Variants in RNGTT observed in about 807,000 individuals in gnomAD.
The protein encoded by RNGTT is mRNA-capping enzyme.
RNGTT carries 33 observed loss-of-function variants against 79.3 expected under a neutral mutation model. The ratio of observed to expected loss-of-function variants is 0.42; its 90% CI spans 0.32 to 0.56. The LOEUF (loss-of-function observed/expected upper bound fraction) is 0.56. Ranked by LOEUF, RNGTT falls within the 20% of genes least tolerant of loss-of-function variation. The probability of loss-of-function intolerance (pLI) is 0.17; values close to 1 mark genes in which losing one functional copy is unlikely to be tolerated. For synonymous variants in RNGTT, 222 were observed against 235.9 expected, an observed-to-expected ratio of 0.94 and a Z score of 0.54; for missense variants, 497 against 739.1, an observed-to-expected ratio of 0.67 and a Z score of 3.80.
chr6:88,630,048 C>T (rs576168579), intron 14 of RNGTT, among the ~76,000 whole-genome samples: 27 of 152,250 alleles, frequency 1.8e-4, no homozygotes, highest in African/African-American at 6.0e-4. Flanking sequence ...GCAAGTACAC[C>T]GGCAACCCTG....
At chr6:88,873,283 G>A (rs1030288656) in intron 8 of RNGTT, among the ~76,000 whole-genome samples, 2 of 152,042 alleles carry the variant, frequency 1.3e-5, no homozygotes, top group Non-Finnish European at 2.9e-5. Flanking sequence ...GAAACATAAA[G>A]AAGAAAGATG....
At chr6:88,708,590 T>G (rs1280616600) in intron 13 of RNGTT, among the ~76,000 whole-genome samples, 2 of 152,108 alleles carry the variant, frequency 1.3e-5, no homozygotes, top group Non-Finnish European at 2.9e-5. Flanking sequence ...AGGTAGTCCC[T>G]TAGTGCTGGT....
At chr6:88,962,856 G>A (rs903653261) in intron 1 of RNGTT, among the ~76,000 whole-genome samples, 12 of 152,050 alleles carry the variant, frequency 7.9e-5, no homozygotes, top group African/African-American at 2.9e-4. Context: ...CCCAGCCCGA[G>A]CAAGAGACCC....
At chr6:88,861,247 T>A (rs1298459494) in intron 8 of RNGTT, among the ~76,000 whole-genome samples, 2 of 152,142 alleles carry the variant, frequency 1.3e-5, no homozygotes, top group African/African-American at 4.8e-5. Context: ...AAATTTCTTA[T>A]AAAGAAAATT....
chr6:88,753,660 G>A (rs1046882978), intron 13 of RNGTT, among the ~76,000 whole-genome samples: 5 of 151,720 alleles, frequency 3.3e-5, no homozygotes, highest in South Asian at 2.1e-4. Context: ...AAATGCAACC[G>A]TTTAAATAGT....
At chr6:88,758,345 T>C (rs1778089818) in intron 13 of RNGTT, among the ~76,000 whole-genome samples, 1 of 152,156 alleles carries the variant, frequency 6.6e-6, no homozygotes, top group Non-Finnish European at 1.5e-5. Context: ...CAGTGCCCGG[T>C]ACACAGAAAG....
intron 11 of RNGTT, among the ~76,000 whole-genome samples, chr6:88,843,770 C>A (rs1012507633): frequency 2.0e-4 from 30 of 151,220 alleles, no homozygotes; most frequent in South Asian, 4.2e-4. Flanking sequence ...ATTGGCCAGG[C>A]TGGTCTTGAG....
intron 8 of RNGTT, among the ~76,000 whole-genome samples, chr6:88,882,602 C>T (rs1347773669): frequency 1.3e-5 from 2 of 152,166 alleles, no homozygotes; most frequent in Admixed American, 6.5e-5. Context: ...CCAAGTGCTA[C>T]GGTTTGAAAA....
chr6:88,894,698 G>C (rs534295905), intron 6 of RNGTT, among the ~76,000 whole-genome samples: 45 of 152,114 alleles, frequency 3.0e-4, no homozygotes, highest in Non-Finnish European at 4.1e-4. Context: ...TGTTATGTAT[G>C]AGATGGTTTC....
rs73754836 is a variant in RNGTT at position 88,848,846 on chromosome 6, G to A, written c.1104+909C>T. On this transcript the variant is annotated intron_variant, in intron 10 of 15. Transcript: ENST00000369485. ...TTATTAAAAAGAAAGTGGACCAAAA[G>A]TATGAAGTTTTAACAAATCTAGCTG... 2.2e-3 allele frequency among the ~76,000 whole-genome samples: 332 copies of A among 152,116 alleles called. 1 individual carries two copies. Among genetic ancestry groups the A allele is most frequent in the African/African-American group, 7.4e-3 (307 of 41,554 alleles).
At chr6:88,666,404 CAAG>C (rs1774409399) in intron 14 of RNGTT, among the ~76,000 whole-genome samples, 1 of 152,186 alleles carries the variant, frequency 6.6e-6, no homozygotes, top group African/African-American at 2.4e-5. Flanking sequence ...CCTGCTAACA[CAAG>C]AAGTGGATAA....
chr6:88,750,474 T>A (rs1777805329), intron 13 of RNGTT, among the ~76,000 whole-genome samples: 1 of 152,154 alleles, frequency 6.6e-6, no homozygotes. Flanking sequence ...GAGGCAAAGA[T>A]GGTCCACAGG....
At position 88,963,559 on chromosome 6, in the gene RNGTT, G is replaced by T; in HGVS notation, c.-150C>A. On this transcript the variant is annotated 5_prime_UTR_variant, in exon 1 of 16. It adds an upstream start codon to the 5' untranslated region. Transcript: ENST00000369485. Reference sequence around the variant, plus strand: ...AACCTCTCCGATCCGGGTAACGTCAGGGGCGGCGCGCCACTTTCATTCAGG... The same window carrying T: ...AACCTCTCCGATCCGGGTAACGTCATGGGCGGCGCGCCACTTTCATTCAGG... 1 of 663,442 alleles carries T rather than the reference G, an allele frequency of 1.5e-6. No individual in the cohort carries two copies. Among genetic ancestry groups the T allele is most frequent in the South Asian group, 2.2e-5 (1 of 44,500 alleles). The allele number at this position is 663,442 out of a possible 1,614,324, so 41.1% of individuals were successfully genotyped here.
At chr6:88,863,564 T>C (rs1456646372) in intron 8 of RNGTT, among the ~76,000 whole-genome samples, 2 of 152,152 alleles carry the variant, frequency 1.3e-5, no homozygotes, top group East Asian at 3.9e-4. Flanking sequence ...AGATTATTAA[T>C]CGTCTTCAAA....
At chr6:88,676,205 A>G (rs1774868172) in intron 14 of RNGTT, among the ~76,000 whole-genome samples, 1 of 152,232 alleles carries the variant, frequency 6.6e-6, no homozygotes, top group Non-Finnish European at 1.5e-5. Flanking sequence ...GTAGAGGAAT[A>G]AACACATAGG....
intron 14 of RNGTT, among the ~76,000 whole-genome samples, chr6:88,646,323 C>A (rs1773557381): frequency 6.6e-6 from 1 of 152,100 alleles, no homozygotes; most frequent in African/African-American, 2.4e-5. Context: ...GAATGGCGAT[C>A]ATTAAAAAGT....
At chr6:88,624,280 T>C (rs1368760547) in intron 14 of RNGTT, among the ~76,000 whole-genome samples, 1 of 151,790 alleles carries the variant, frequency 6.6e-6, no homozygotes, top group Non-Finnish European at 1.5e-5. Flanking sequence ...TAGAACAATT[T>C]TGAAAAAGAA....
At chr6:88,681,991 A>ATTATCTATTCTG (rs1775111128) in intron 13 of RNGTT, among the ~76,000 whole-genome samples, 1 of 152,188 alleles carries the variant, frequency 6.6e-6, no homozygotes, top group African/African-American at 2.4e-5. Context: ...TTCCAAACAC[A>ATTATCTATTCTG]AACATTAACC....
chr6:88,902,583 C>T (rs1385963753), intron 6 of RNGTT, among the ~76,000 whole-genome samples: 1 of 151,408 alleles, frequency 6.6e-6, no homozygotes, highest in African/African-American at 2.4e-5. Flanking sequence ...GCTTGACTGA[C>T]AGAGTAAGAC....
Sources: gnomAD v4.1 joint callset for allele counts (sites outside exome capture counted in the v4.1 genomes callset) on GRCh38, gnomAD v4.1.1 for gene constraint, MANE v1.5 for transcripts, NCBI Gene and HGNC (gene_info 2026-07-23, HGNC 2026-07-21) for gene names.